Variants in CRYBA4 observed in about 807,000 individuals in gnomAD.
The protein encoded by CRYBA4 is beta-crystallin A4.
A neutral mutation model predicts 31.7 loss-of-function variants in CRYBA4; 30 were observed. The ratio of observed to expected loss-of-function variants is 0.95; its 90% CI spans 0.71 to 1.28. CRYBA4 has a LOEUF of 1.28. Among genes scored for constraint, CRYBA4 ranks in the 50% most tolerant of loss-of-function variants. The pLI is 0.00. For synonymous variants in CRYBA4, 102 were observed against 102.3 expected (o/e 1.00, Z 0.02); for missense variants, 225 against 260.7 (o/e 0.86, Z 0.94).
At chr22:26,610,260 G>A in the CRYBA4 span, among the ~76,000 whole-genome samples, 1 of 152,174 alleles carries the variant, frequency 6.6e-6, no homozygotes, top group Non-Finnish European at 1.5e-5. Context: ...TCACATGATG[G>A]TGTTGGGTGT....
chr22:26,630,155 T>C (rs1929879783), intron 5 of CRYBA4, among the ~76,000 whole-genome samples, 185 bp from the exon 6 acceptor site: 1 of 152,218 alleles, frequency 6.6e-6, no homozygotes, highest in Non-Finnish European at 1.5e-5. Flanking sequence ...GGGATGGTGC[T>C]TCTGGCAAAG....
chr22:26,626,209 T>A (rs1929700477), intron 4 of CRYBA4, among the ~76,000 whole-genome samples: 1 of 152,104 alleles, frequency 6.6e-6, no homozygotes, highest in Non-Finnish European at 1.5e-5. Flanking sequence ...CAAGATCAGC[T>A]TGGCCAACAT....
At chr22:26,623,562 C>A (rs995705285) in intron 3 of CRYBA4, among the ~76,000 whole-genome samples, 1 of 152,022 alleles carries the variant, frequency 6.6e-6, no homozygotes. Context: ...TTACACAGAC[C>A]CTGCCCACTG....
chr22:26,623,132 G>A, intron 2 of CRYBA4, 102 bp from the exon 3 acceptor site: 1 of 958,990 alleles, frequency 1.0e-6, no homozygotes, highest in Non-Finnish European at 1.7e-6. Context: ...ATCTGAGTTT[G>A]CAATCCCTGC....
At chr22:26,595,439 C>G in the CRYBA4 span, among the ~76,000 whole-genome samples, 1 of 152,040 alleles carries the variant, frequency 6.6e-6, no homozygotes, top group Admixed American at 6.6e-5. Context: ...ATTAGCCAGG[C>G]ATGGTGGCGC....
At chr22:26,598,379 C>G in the CRYBA4 span, among the ~76,000 whole-genome samples, 2 of 151,658 alleles carry the variant, frequency 1.3e-5, no homozygotes, top group Admixed American at 6.6e-5. Flanking sequence ...TTCTCGCTCT[C>G]TCTCTCTTTC....
At chr22:26,622,673 TG>T (rs1472465105) in intron 2 of CRYBA4, 38 bp downstream of exon 2, 2 of 968,870 alleles carry the variant, frequency 2.1e-6, no homozygotes, top group Non-Finnish European at 3.2e-6. Flanking sequence ...TCAGGGGGTA[TG>T]GGGAGGGTTC....
At chr22:26,628,833 T>G (rs761980911) in intron 5 of CRYBA4, among the ~76,000 whole-genome samples, 2 of 152,138 alleles carry the variant, frequency 1.3e-5, no homozygotes, top group African/African-American at 2.4e-5. Context: ...GGCTCAGTGA[T>G]TCTATTAAAG....
Position 26,630,421 on chromosome 22 carries a change from T to C in CRYBA4, c.525T>C (p.His175=). The stretch of plus-strand genomic sequence containing the variant: ...ATCACCATTCCGGTGACTACAAACA[T>C]TTCCGGGAGTGGGGCTCTCATGCCC... ...ECDHHSGDYK[H]FREWGSHAPT... is the part of the protein sequence containing the mutation. Residue 175 remains histidine (H), a synonymous_variant, in exon 6 of 6, where the codon CAT becomes CAC. Coordinates refer to ENST00000354760, the MANE Select transcript of CRYBA4 (RefSeq NM_001886.3). The C allele has an allele frequency of 6.2e-7, 1 of 1,614,202 alleles. No homozygotes were observed.
the CRYBA4 span, among the ~76,000 whole-genome samples, chr22:26,597,944 C>T: frequency 3.9e-5 from 6 of 151,974 alleles, no homozygotes; most frequent in Admixed American, 6.6e-5. Flanking sequence ...AGTACAGTGG[C>T]GCAATCTTGG....
At chr22:26,614,192 G>A in the CRYBA4 span, among the ~76,000 whole-genome samples, 2 of 152,136 alleles carry the variant, frequency 1.3e-5, no homozygotes, top group African/African-American at 2.4e-5. Flanking sequence ...CACTTGCCCT[G>A]TGATATTCTA....
chr22:26,612,025 C>A, the CRYBA4 span: 7 of 1,385,194 alleles, frequency 5.1e-6, no homozygotes, highest in African/African-American at 1.4e-5. Context: ...GTTGTGTGGT[C>A]ATTTTACTGT....
the CRYBA4 span, chr22:26,616,396 A>C: frequency 8.7e-7 from 1 of 1,147,318 alleles, no homozygotes; most frequent in South Asian, 1.2e-5. Flanking sequence ...CTGCCCTCAT[A>C]GCCCCACATC....
the CRYBA4 span, among the ~76,000 whole-genome samples, chr22:26,598,443 C>T: frequency 2.0e-5 from 3 of 152,032 alleles, no homozygotes; most frequent in Non-Finnish European, 4.4e-5. Context: ...GTGGCATGAT[C>T]ACGACTCACT....
At chr22:26,616,412 C>G in the CRYBA4 span, 8 of 999,074 alleles carry the variant, frequency 8.0e-6, no homozygotes, top group Non-Finnish European at 1.2e-5. Flanking sequence ...ACATCCTGTG[C>G]TTTCAGCCTC....
chr22:26,596,305 C>T, the CRYBA4 span, among the ~76,000 whole-genome samples: 1 of 152,034 alleles, frequency 6.6e-6, no homozygotes, highest in Non-Finnish European at 1.5e-5. Context: ...CCATGTTGAC[C>T]AGGCTGGTCT....
intron 5 of CRYBA4, 31 bp from the exon 6 acceptor site, chr22:26,630,309 A>C (rs199967567): frequency 8.3e-5 from 134 of 1,613,610 alleles, no homozygotes; most frequent in Non-Finnish European, 1.0e-4. Context: ...GTGTCTCTGT[A>C]GAGTAACTGT....
At chr22:26,609,147 A>T in the CRYBA4 span, among the ~76,000 whole-genome samples, 2 of 152,208 alleles carry the variant, frequency 1.3e-5, no homozygotes, top group Non-Finnish European at 2.9e-5. Context: ...TGACACTAGC[A>T]TCTTCTCCCA....
the CRYBA4 span, among the ~76,000 whole-genome samples, chr22:26,591,197 C>T: frequency 2.0e-5 from 3 of 152,078 alleles, 1 homozygote; most frequent in South Asian, 6.2e-4. Flanking sequence ...ATGGTGAAAC[C>T]TCGTTTCTAA....
Sources: allele counts gnomAD v4.1 joint callset (sites outside exome capture counted in the v4.1 genomes callset), GRCh38; gene constraint gnomAD v4.1.1; transcripts MANE v1.5; gene names NCBI Gene and HGNC (gene_info 2026-07-23, HGNC 2026-07-21).